The following PCDHA2 variants were observed in gnomAD, a reference collection of about 807,000 sequenced individuals.
PCDHA2 encodes protocadherin alpha 2, also known as protocadherin alpha-2.
A neutral mutation model predicts 66.0 loss-of-function variants in PCDHA2; 58 were observed. That is an observed-to-expected ratio of 0.88 (90% CI 0.71 to 1.09). The LOEUF (loss-of-function observed/expected upper bound fraction) is 1.09. Among genes scored for constraint, PCDHA2 ranks in the 50% least tolerant of loss-of-function variants. The pLI is 0.00. For missense variants in PCDHA2, 1,267 were observed against 1,242.3 expected, an observed-to-expected ratio of 1.02 and a Z score of -0.30; for synonymous variants, 634 against 554.0, an observed-to-expected ratio of 1.14 and a Z score of -2.03.
intron 1 of PCDHA2, among the ~76,000 whole-genome samples, chr5:140,918,041 C>T (rs1554198405): frequency 6.6e-6 from 1 of 152,058 alleles, no homozygotes; most frequent in Non-Finnish European, 1.5e-5. Flanking sequence ...AAGGTCTTTC[C>T]ATTTGTTTTA....
At position 140,854,083 on chromosome 5, in the gene PCDHA2, G is replaced by T. The variant is rs545797216; in HGVS notation, c.2388+56731G>T. 8.5e-5 allele frequency: 23 copies of T among 269,910 alleles called. No individual in the cohort carries two copies. The East Asian group carries it at 3.2e-3, about 37-fold the overall frequency. The allele number at this position is 269,910 out of a possible 1,614,324, so 16.7% of individuals were successfully genotyped here. ...AGGCTGAGGCGAGAGAATCGCTTGA[G>T]CCTGGGACATTGAGGCTGCAGTGAA... On this transcript the variant is annotated intron_variant, in intron 1 of 3. Transcript: ENST00000526136.
intron 1 of PCDHA2, among the ~76,000 whole-genome samples, chr5:140,948,853 C>T (rs1385628610): frequency 6.6e-6 from 1 of 151,298 alleles, no homozygotes; most frequent in Non-Finnish European, 1.5e-5. Context: ...TATTTGCCTT[C>T]TTATATTACT....
chr5:140,871,292 C>A (rs2052919411), intron 1 of PCDHA2: 2 of 1,613,772 alleles, frequency 1.2e-6, no homozygotes, highest in Non-Finnish European at 8.5e-7. Flanking sequence ...ACTGAGGGCG[C>A]GTGCGCGCCG....
intron 1 of PCDHA2, chr5:140,802,919 T>C (rs1763062149): frequency 3.1e-6 from 5 of 1,613,736 alleles, no homozygotes; most frequent in Non-Finnish European, 4.2e-6. Context: ...GTGGCATCGG[T>C]GGCGCAGTGA....
chr5:140,823,856 A>T (rs2150129762), intron 1 of PCDHA2: 3 of 1,613,758 alleles, frequency 1.9e-6, no homozygotes, highest in South Asian at 2.2e-5. Context: ...GCCCTGGTGG[A>T]TGTCAACGTG....
intron 1 of PCDHA2, among the ~76,000 whole-genome samples, chr5:140,910,519 G>T (rs187918127): frequency 4.6e-5 from 7 of 152,218 alleles, no homozygotes; most frequent in African/African-American, 4.8e-5. Flanking sequence ...AAGGATGCAG[G>T]TACTCCCCTC....
intron 1 of PCDHA2, chr5:140,860,372 C>A (rs1315450697): frequency 1.3e-5 from 2 of 151,984 alleles, no homozygotes; most frequent in Non-Finnish European, 2.9e-5. Flanking sequence ...CAAAGTGAGA[C>A]CCTATTTCAA....
At chr5:140,917,336 G>T (rs1183036523) in intron 1 of PCDHA2, among the ~76,000 whole-genome samples, 1 of 144,856 alleles carries the variant, frequency 6.9e-6, no homozygotes, top group Non-Finnish European at 1.5e-5. Context: ...GGGGAGGGGG[G>T]GGATGGTGTA....
chr5:140,935,527 C>G (rs956168876), intron 1 of PCDHA2, among the ~76,000 whole-genome samples: 4 of 152,172 alleles, frequency 2.6e-5, no homozygotes, highest in Non-Finnish European at 5.9e-5. Context: ...CATGTACAGT[C>G]AAATTATTGT....
At chr5:140,987,643 A>G (rs1205279586) in intron 3 of PCDHA2, among the ~76,000 whole-genome samples, 1 of 152,232 alleles carries the variant, frequency 6.6e-6, no homozygotes, top group Non-Finnish European at 1.5e-5. Context: ...ATGCACACAT[A>G]TTGCAGAATC....
At chr5:140,936,212 A>C (rs1294255399) in intron 1 of PCDHA2, among the ~76,000 whole-genome samples, 1 of 152,126 alleles carries the variant, frequency 6.6e-6, no homozygotes, top group African/African-American at 2.4e-5. Context: ...TTTTTTATTT[A>C]GTATTCTTTC....
chr5:140,819,738 C>A (rs1766611362), intron 1 of PCDHA2, among the ~76,000 whole-genome samples: 1 of 151,950 alleles, frequency 6.6e-6, no homozygotes, highest in Non-Finnish European at 1.5e-5. Context: ...GAAAGTGAAT[C>A]AAAAGTCAAG....
chr5:140,967,985 A>C, intron 1 of PCDHA2: 1 of 1,614,218 alleles, frequency 6.2e-7, no homozygotes, highest in Non-Finnish European at 8.5e-7. Context: ...TCTGGAGGCC[A>C]CACTGCCTTT....
chr5:140,884,606 C>T (rs1554181776), intron 1 of PCDHA2: 1 of 1,614,038 alleles, frequency 6.2e-7, no homozygotes, highest in African/African-American at 1.3e-5. Flanking sequence ...TCCTCCTTGT[C>T]TGGGTTCTGC....
intron 1 of PCDHA2, chr5:140,812,147 T>TTGTTGTTGTTG (rs1765043043): frequency 6.6e-6 from 1 of 150,790 alleles, no homozygotes; most frequent in Admixed American, 6.6e-5. Flanking sequence ...GTTTTGGGCT[T>TTGTTGTTGTTG]TTGTTGTTGT....
intron 1 of PCDHA2, chr5:140,809,006 C>A: frequency 6.2e-7 from 1 of 1,613,702 alleles, no homozygotes; most frequent in South Asian, 1.1e-5. Flanking sequence ...CAACGCGTGG[C>A]TTTCGTACGA....
intron 1 of PCDHA2, chr5:140,870,247 G>C (rs2051798085): frequency 5.6e-6 from 9 of 1,614,024 alleles, no homozygotes; most frequent in Admixed American, 1.7e-5. Flanking sequence ...AGGTGTCAAC[G>C]GACAGGTGAC....
At position 140,822,748 on chromosome 5, in the gene PCDHA2, A is replaced by G. The variant is rs2150119092; in HGVS notation, c.2388+25396A>G. The G allele has an allele frequency of 7.4e-6, 12 of 1,613,850 alleles. No individual in the cohort carries two copies. The Admixed American group carries it at 2.0e-4, about 27-fold the overall frequency. ...AATTAATATTGATGCCATGGATAAAAGTACATTCCCATTATCAGGACACTG... is the reference window on the plus strand; with the variant it reads ...AATTAATATTGATGCCATGGATAAAGGTACATTCCCATTATCAGGACACTG... On this transcript the variant is annotated intron_variant, in intron 1 of 3. Coordinates refer to ENST00000526136, the MANE Select transcript of PCDHA2 (RefSeq NM_018905.3).
At chr5:140,927,290 T>C in intron 1 of PCDHA2, 1 of 1,614,054 alleles carries the variant, frequency 6.2e-7, no homozygotes, top group South Asian at 1.1e-5. Flanking sequence ...CAGCTGCACA[T>C]CCCCGAGTTC....
Sources: gnomAD v4.1 joint callset for allele counts (sites outside exome capture counted in the v4.1 genomes callset) on GRCh38, gnomAD v4.1.1 for gene constraint, MANE v1.5 for transcripts, NCBI Gene and HGNC (gene_info 2026-07-23, HGNC 2026-07-21) for gene names.